Variants in TRHDE observed in about 807,000 individuals in gnomAD.
The protein encoded by TRHDE is thyrotropin releasing hormone degrading enzyme.
A neutral mutation model predicts 125.7 loss-of-function variants in TRHDE; 72 were observed. The ratio of observed to expected loss-of-function variants is 0.57; its 90% CI spans 0.47 to 0.70. The LOEUF (loss-of-function observed/expected upper bound fraction) is 0.70, where lower values mean the gene tolerates loss of function less well. Ranked by LOEUF, TRHDE falls within the 30% of genes least tolerant of loss-of-function variation. The probability of loss-of-function intolerance (pLI) is 0.00; values close to 1 mark genes in which losing one functional copy is unlikely to be tolerated. For synonymous variants in TRHDE, 509 were observed against 509.1 expected (o/e 1.00, Z 0.00); for missense variants, 1,110 against 1,327.1 (o/e 0.84, Z 2.54).
intron 2 of TRHDE, among the ~76,000 whole-genome samples, chr12:72,162,008 G>A (rs1389426682): frequency 2.0e-5 from 3 of 152,190 alleles, no homozygotes; most frequent in East Asian, 3.8e-4. Context: ...GTTTGTGGAT[G>A]TGGATCATTT....
At chr12:72,510,360 T>C (rs188059987) in intron 6 of TRHDE, among the ~76,000 whole-genome samples, 1 of 152,308 alleles carries the variant, frequency 6.6e-6, no homozygotes, top group Admixed American at 6.5e-5. Context: ...GGTTGGACAA[T>C]AGGCTTTTAG....
chr12:72,471,305 G>A (rs1479793053), intron 4 of TRHDE, among the ~76,000 whole-genome samples: 2 of 152,134 alleles, frequency 1.3e-5, no homozygotes, highest in Non-Finnish European at 2.9e-5. Flanking sequence ...GATGACTGGG[G>A]CTCCTAGTCT....
intron 3 of TRHDE, among the ~76,000 whole-genome samples, chr12:72,398,409 T>C (rs1872896601): frequency 1.3e-5 from 2 of 152,282 alleles, no homozygotes; most frequent in Middle Eastern, 6.8e-3. Context: ...GAATCGCCAC[T>C]TTTTGTCATT....
chr12:72,534,909 G>A (rs1472631413), intron 6 of TRHDE, among the ~76,000 whole-genome samples: 1 of 152,000 alleles, frequency 6.6e-6, no homozygotes, highest in Non-Finnish European at 1.5e-5. Flanking sequence ...GGGAAGAAGA[G>A]CTTAACCAGT....
intron 2 of TRHDE, among the ~76,000 whole-genome samples, chr12:72,248,499 T>G (rs1337295596): frequency 1.7e-5 from 1 of 57,942 alleles, no homozygotes; most frequent in Non-Finnish European, 5.5e-5. Flanking sequence ...ATATTACAAA[T>G]GCTTTTCCTG....
intron 2 of TRHDE, among the ~76,000 whole-genome samples, chr12:72,203,159 G>A (rs1046080960): frequency 1.3e-5 from 2 of 151,906 alleles, no homozygotes; most frequent in African/African-American, 4.8e-5. Context: ...GAGAGAGAGA[G>A]GAGAGACAGA....
chr12:72,426,669 T>TA (rs1874196944), intron 3 of TRHDE, among the ~76,000 whole-genome samples: 1 of 151,860 alleles, frequency 6.6e-6, no homozygotes, highest in East Asian at 1.9e-4. Flanking sequence ...CCTTTATATG[T>TA]TAGGTAGTGT....
At chr12:72,358,393 A>G (rs1248462532) in intron 2 of TRHDE, among the ~76,000 whole-genome samples, 1 of 151,612 alleles carries the variant, frequency 6.6e-6, no homozygotes, top group Non-Finnish European at 1.5e-5. Context: ...ATATATTTCT[A>G]TTCCTCATGA....
At chr12:72,159,118 T>G (rs767657654) in intron 2 of TRHDE, among the ~76,000 whole-genome samples, 5 of 152,236 alleles carry the variant, frequency 3.3e-5, no homozygotes, top group Non-Finnish European at 5.9e-5. Context: ...ATATATTTAT[T>G]GACTATGTAA....
chr12:72,614,324 A>ATT (rs1460643879), intron 12 of TRHDE, among the ~76,000 whole-genome samples: 1 of 10,268 alleles, frequency 9.7e-5, no homozygotes, highest in South Asian at 3.4e-3. Context: ...ATATATATAT[A>ATT]TATATATTTT....
At chr12:72,176,100 C>G (rs560082591) in intron 2 of TRHDE, among the ~76,000 whole-genome samples, 4 of 152,124 alleles carry the variant, frequency 2.6e-5, no homozygotes, top group Non-Finnish European at 5.9e-5. Context: ...CTCACGCTTA[C>G]AATCCCAGCA....
rs553786457 is a variant in TRHDE at position 72,393,484 on chromosome 12, C to T, written c.1315+15363C>T. On this transcript the variant is annotated intron_variant, in intron 3 of 18. Transcript: ENST00000261180. ...GGAGGCAAGGGCAGTGAGGGGAGTG[C>T]ATAAACAAACAGTGAATCTCAGAGA... Among the ~76,000 whole-genome samples the T allele has an allele frequency of 9.2e-5, 14 of 152,222 alleles. No individual in the cohort carries two copies. The South Asian group carries it at 2.9e-3, about 32-fold the overall frequency.
chr12:72,603,439 G>A (rs947964743), intron 12 of TRHDE, among the ~76,000 whole-genome samples: 3 of 152,032 alleles, frequency 2.0e-5, no homozygotes, highest in African/African-American at 7.2e-5. Flanking sequence ...AACAATGTAA[G>A]TGTGGGCCGA....
intron 17 of TRHDE, among the ~76,000 whole-genome samples, chr12:72,653,604 G>A (rs1204171579): frequency 2.6e-5 from 4 of 151,932 alleles, no homozygotes; most frequent in African/African-American, 9.7e-5. Flanking sequence ...CCATGATATA[G>A]AGAAGGAATA....
At chr12:72,269,902 T>G (rs1277014400), upstream of TRHDE, among the ~76,000 whole-genome samples, 1 of 152,182 alleles carries the variant, frequency 6.6e-6, no homozygotes, top group Non-Finnish European at 1.5e-5. Context: ...GAGAAAGTCT[T>G]AAAGATCCCT....
In TRHDE at chr12:72,325,028, C is replaced by T. The variant is rs181316333; in HGVS notation, c.1188+38074C>T. 6.1e-3 allele frequency among the ~76,000 whole-genome samples: 934 copies of T among 152,020 alleles called. 10 individuals are homozygous for T. Among genetic ancestry groups the T allele is most frequent in the African/African-American group, 0.021 (879 of 41,452 alleles). On this transcript the variant is annotated intron_variant, in intron 2 of 18. Coordinates refer to ENST00000261180, the MANE Select transcript of TRHDE (RefSeq NM_013381.3). Reference sequence around the variant, plus strand: ...TGTGAGCTTTTGAGCCAAAATGTTCCTCTTGGGGATACCAAAAGAAAGGGG... The same window carrying T: ...TGTGAGCTTTTGAGCCAAAATGTTCTTCTTGGGGATACCAAAAGAAAGGGG...
intron 7 of TRHDE, among the ~76,000 whole-genome samples, chr12:72,546,624 A>G (rs1869433708): frequency 6.6e-6 from 1 of 151,542 alleles, no homozygotes. Flanking sequence ...GTCTACAATC[A>G]CTTCTGGTAC....
intron 2 of TRHDE, among the ~76,000 whole-genome samples, chr12:72,340,775 A>G (rs972287063): frequency 6.6e-6 from 1 of 152,132 alleles, no homozygotes; most frequent in Non-Finnish European, 1.5e-5. Context: ...GCCCCCTCAT[A>G]TGTTCCATTG....
chr12:72,497,761 A>G (rs867885206), intron 5 of TRHDE, among the ~76,000 whole-genome samples: 2 of 151,992 alleles, frequency 1.3e-5, no homozygotes, highest in Non-Finnish European at 1.5e-5. Flanking sequence ...TTGATACATA[A>G]TTTTTTCTTA....
Sources: allele counts gnomAD v4.1 joint callset (sites outside exome capture counted in the v4.1 genomes callset), GRCh38; gene constraint gnomAD v4.1.1; transcripts MANE v1.5; gene names NCBI Gene and HGNC (gene_info 2026-07-23, HGNC 2026-07-21).